The following EPHB3 variants were observed in gnomAD, a reference collection of about 807,000 sequenced individuals.
The protein encoded by EPHB3 is EPH receptor B3.
Under a neutral mutation model 100.2 loss-of-function variants are expected in EPHB3, and 33 were observed. The ratio of observed to expected loss-of-function variants is 0.33; its 90% CI spans 0.25 to 0.44. The LOEUF (loss-of-function observed/expected upper bound fraction) is 0.44, where lower values mean the gene tolerates loss of function less well. EPHB3 is among the 20% of genes least tolerant of loss of function. The pLI is 1.00. For synonymous variants in EPHB3, 526 were observed against 554.7 expected (o/e 0.95, Z 0.73); for missense variants, 1,045 against 1,378.3 (o/e 0.76, Z 3.83).
chr3:184,562,339 G>T lies in EPHB3; in HGVS notation c.104G>T (p.Cys35Phe). ...CCGCTGCTGCTGCTGCCCGCCGGCT[G>T]CCGGGCGCTGGAAGGTGAGCGGCGT... Reference protein sequence around the residue: ...LLPLLLLPAGCRALEETLMDT... With the variant: ...LLPLLLLPAGFRALEETLMDT... Residue 35 changes from cysteine (C) to phenylalanine (F), a missense_variant, in exon 1 of 16, where the codon TGC becomes TTC. Cys to Phe is a radical substitution (Grantham distance 205). Transcript: ENST00000330394. The surrounding 1 kb of genome is among the most constrained non-coding windows in gnomAD (Gnocchi z 4.8). The T allele has an allele frequency of 8.1e-7, 1 of 1,238,536 alleles. No individual in the cohort carries two copies. 76.7% of individuals were successfully genotyped at this position (1,238,536 alleles called of 1,614,324 possible). A position where few individuals can be genotyped will look rare whatever the true frequency, so the allele number is the denominator to read the frequency against.
Position 184,572,926 on chromosome 3 carries a change from C to T in EPHB3, c.606C>T (p.Leu202=). 1.3e-6 allele frequency: 2 copies of T among 1,568,560 alleles called. No individual in the cohort carries two copies. The highest frequency in any genetic ancestry group is 1.2e-5 in the South Asian group (1 of 83,410). ...AFQDQGACMS[L]ISVRAFYKKC... is the part of the protein sequence containing the mutation. ...AGGACCAGGGCGCCTGCATGTCGCTCATCTCCGTGCGCGCCTTCTACAAGA... is the reference window on the plus strand; with the variant it reads ...AGGACCAGGGCGCCTGCATGTCGCTTATCTCCGTGCGCGCCTTCTACAAGA... The change falls in exon 3 of 16, where the codon CTC becomes CTT. Residue 202 remains leucine, a synonymous_variant. Coordinates refer to ENST00000330394, the MANE Select transcript of EPHB3 (RefSeq NM_004443.4). This position sits in a 1 kb window ranked among gnomAD's most constrained non-coding sequence, Gnocchi z 6.6.
At chr3:184,576,066 T>C in intron 4 of EPHB3, 81 bp downstream of exon 4, 1 of 1,471,974 alleles carries the variant, frequency 6.8e-7, no homozygotes, top group East Asian at 2.6e-5. Flanking sequence ...GCAGTCACTA[T>C]GAATAGCCCC....
In EPHB3 at chr3:184,572,271, C is replaced by T. The variant is rs867031826; in HGVS notation, c.184-233C>T. 1.5e-4 allele frequency among the ~76,000 whole-genome samples: 23 copies of T among 152,314 alleles called. No homozygotes were observed. Among genetic ancestry groups the T allele is most frequent in the Middle Eastern group, 3.4e-3 (1 of 294 alleles). ...GTTAAAGTCATTATTCCTTACACATCTTTATTATCCCCATGTTACAGATGG... is the reference window on the plus strand; with the variant it reads ...GTTAAAGTCATTATTCCTTACACATTTTTATTATCCCCATGTTACAGATGG... On this transcript the variant is annotated intron_variant, in intron 2 of 15. Transcript: ENST00000330394. The surrounding 1 kb of genome is among the most constrained non-coding windows in gnomAD (Gnocchi z 6.6).
Position 184,578,081 on chromosome 3 carries a change from G to A in EPHB3, c.1748+75G>A. 6.7e-7 allele frequency: 1 copy of A among 1,490,916 alleles called. No homozygotes were observed. Among genetic ancestry groups the A allele is most frequent in the East Asian group, 2.3e-5 (1 of 43,540 alleles). The allele number at this position is 1,490,916 out of a possible 1,614,324, so 92.4% of individuals were successfully genotyped here. ...AGCATCCTAGAGCCCTCATGCCACA[G>A]AGATGAGCCGCCACCACTTCCCTCA... On this transcript the variant is annotated intron_variant, in intron 8 of 15. Transcript: ENST00000330394. This position sits in a 1 kb window ranked among gnomAD's most constrained non-coding sequence, Gnocchi z 4.7.
In EPHB3 at chr3:184,572,756, T is replaced by C. The variant is rs769922257; in HGVS notation, c.436T>C (p.Ser146Pro). The C allele has an allele frequency of 2.5e-6, 4 of 1,611,796 alleles. No individual in the cohort carries two copies. The African/African-American group carries it at 5.3e-5, about 22-fold the overall frequency. The change falls in exon 3 of 16, where the codon TCC (serine) becomes CCC (proline). Residue 146 changes from serine to proline, a missense_variant. This residue lies in a region of EPHB3 where 985 missense variants were observed against 1,331.1 expected (regional missense o/e 0.74). Coordinates refer to ENST00000330394, the MANE Select transcript of EPHB3 (RefSeq NM_004443.4). The surrounding 1 kb of genome is among the most constrained non-coding windows in gnomAD (Gnocchi z 6.6). The stretch of plus-strand genomic sequence containing the variant: ...TGACAGCGATGTGGCCTCAGCCTCC[T>C]CCCCCTTCTGGATGGAGAACCCCTA... ...EADSDVASAS[S>P]PFWMENPYVK...
chr3:184,579,455 C>T lies in EPHB3; in HGVS notation c.1802-22C>T, dbSNP rs140703157. The T allele has an allele frequency of 4.1e-5, 66 of 1,610,598 alleles. No individual in the cohort carries two copies. The African/African-American group carries it at 4.4e-4, about 11-fold the overall frequency. On this transcript the variant is annotated intron_variant, in intron 9 of 15. Transcript: ENST00000330394. This position sits in a 1 kb window ranked among gnomAD's most constrained non-coding sequence, Gnocchi z 5.2. ...AGGCTGGCTTGACGTTACCCTCTCA[C>T]GCCCACCTCTTCTCCCTCCAGTTGC... is the stretch of plus-strand genomic sequence containing the variant.
At position 184,563,148 on chromosome 3, in the gene EPHB3, G is replaced by A. The variant is rs1187460734; in HGVS notation, c.118+795G>A. 2.0e-5 allele frequency among the ~76,000 whole-genome samples: 3 copies of A among 152,214 alleles called. No homozygotes were observed. Among genetic ancestry groups the A allele is most frequent in the African/African-American group, 7.2e-5 (3 of 41,450 alleles). The stretch of plus-strand genomic sequence containing the variant: ...AACTTCCAAATGATTGTACTTGGAT[G>A]AACAGCCCGGCGTTGTTGGCGCTGG... On this transcript the variant is annotated intron_variant, in intron 1 of 15. Transcript: ENST00000330394. This position sits in a 1 kb window ranked among gnomAD's most constrained non-coding sequence, Gnocchi z 4.1.
Position 184,581,778 on chromosome 3 carries a change from T to G in EPHB3, c.*156T>G. On this transcript the variant is annotated 3_prime_UTR_variant, in exon 16 of 16. Transcript: ENST00000330394. ...AAGCTGGGACTTCTCCAGGCCTGTG[T>G]TCCCTCCCCAGGAAGTGCGCCCCAA... The G allele has an allele frequency of 8.7e-6, 6 of 688,108 alleles. No homozygotes were observed. Among genetic ancestry groups the G allele is most frequent in the South Asian group, 2.0e-5 (1 of 50,206 alleles). 42.6% of individuals were successfully genotyped at this position (688,108 alleles called of 1,614,324 possible). A position where few individuals can be genotyped will look rare whatever the true frequency, so the allele number is the denominator to read the frequency against.
At position 184,577,375 on chromosome 3, in the gene EPHB3, A is replaced by G; in HGVS notation, c.1387A>G (p.Ser463Gly). The change falls in exon 6 of 16, where the codon AGC becomes GGC. Residue 463 changes from serine (S) to glycine (G), a missense_variant. Transcript: ENST00000330394. The surrounding 1 kb of genome is among the most constrained non-coding windows in gnomAD (Gnocchi z 4.9). ...PSEVPTLRLH[S>G]SSGSSLTLSW... The stretch of plus-strand genomic sequence containing the variant: ...TGAAGTGCCCACACTACGCCTGCAC[A>G]GCAGCTCAGGCAGCAGCCTCACCCT... The G allele has an allele frequency of 6.2e-7, 1 of 1,613,808 alleles. No individual in the cohort carries two copies. Among genetic ancestry groups the G allele is most frequent in the Non-Finnish European group, 8.5e-7 (1 of 1,180,012 alleles).
rs372195207 is a variant in EPHB3, at chr3:184,562,969, G to T, written c.118+616G>T. Among the ~76,000 whole-genome samples, 82 of 152,356 alleles carry T rather than the reference G, an allele frequency of 5.4e-4. No individual in the cohort carries two copies. Among genetic ancestry groups the T allele is most frequent in the African/African-American group, 1.7e-3 (70 of 41,580 alleles). ...GGAGGCTCCCTCTCCGCCTGCTAGA[G>T]CAGGGCTTGGGTCTCCATTTGAACC... On this transcript the variant is annotated intron_variant, in intron 1 of 15. Transcript: ENST00000330394. The surrounding 1 kb of genome is among the most constrained non-coding windows in gnomAD (Gnocchi z 4.8).
At position 184,562,208 on chromosome 3, in the gene EPHB3, C is replaced by T; in HGVS notation, c.-28C>T. 3 of 618,108 alleles carry T rather than the reference C, an allele frequency of 4.9e-6. No individual in the cohort carries two copies. Among genetic ancestry groups the T allele is most frequent in the Non-Finnish European group, 4.2e-6 (2 of 475,868 alleles). The allele number at this position is 618,108 out of a possible 1,614,324, so 38.3% of individuals were successfully genotyped here. A position where few individuals can be genotyped will look rare whatever the true frequency, so the allele number is the denominator to read the frequency against. On this transcript the variant is annotated 5_prime_UTR_variant, in exon 1 of 16. Coordinates refer to ENST00000330394, the MANE Select transcript of EPHB3 (RefSeq NM_004443.4). This position sits in a 1 kb window ranked among gnomAD's most constrained non-coding sequence, Gnocchi z 4.8. ...CGGCGCGGCCCGGCCCGGCGCGGCC[C>T]GGCTCGGCTCCTAGAGCTGCCACGG...
In EPHB3 at chr3:184,579,741, T is replaced by G; in HGVS notation, c.1979T>G (p.Val660Gly). ...GRLKQPGRRE[V>G]FVAIKTLKVG... ...CTGAAACAGCCTGGCCGCCGAGAGG[T>G]GTTTGTGGCCATCAAGACGCTGAAG... Residue 660 changes from valine (V) to glycine (G), a missense_variant, in exon 11 of 16, where the codon GTG (valine) becomes GGG (glycine). Physicochemically the swap from Val to Gly is moderately radical, Grantham distance 109. Around this residue, in one of 2 missense-constraint regions of EPHB3, gnomAD observed 985 missense variants for 1,331.1 expected, o/e 0.74. Coordinates refer to ENST00000330394, the MANE Select transcript of EPHB3 (RefSeq NM_004443.4). This position sits in a 1 kb window ranked among gnomAD's most constrained non-coding sequence, Gnocchi z 5.2. 1 of 1,605,098 alleles carries G rather than the reference T, an allele frequency of 6.2e-7. No homozygotes were observed. The highest frequency in any genetic ancestry group is 8.5e-7 in the Non-Finnish European group (1 of 1,175,374).
chr3:184,567,716 C>T (rs1714421893), intron 1 of EPHB3, among the ~76,000 whole-genome samples: 1 of 152,192 alleles, frequency 6.6e-6, no homozygotes. Flanking sequence ...TGTGTTTGCA[C>T]TTTACACCGA....
At chr3:184,581,478 G>A (rs767751305) in intron 15 of EPHB3, 36 bp from the exon 16 acceptor site, 2 of 1,602,248 alleles carry the variant, frequency 1.2e-6, no homozygotes, top group South Asian at 2.3e-5. Flanking sequence ...GAGGGCACGA[G>A]GAAAGGGACT....
At chr3:184,566,717 C>T (rs1714394638) in intron 1 of EPHB3, among the ~76,000 whole-genome samples, 2 of 152,218 alleles carry the variant, frequency 1.3e-5, no homozygotes. Context: ...GCCCCCTGCC[C>T]TCCTGCCCCG....
In EPHB3 at chr3:184,572,750, G is replaced by C; in HGVS notation, c.430G>C (p.Ala144Pro). 1 of 1,612,770 alleles carries C rather than the reference G, an allele frequency of 6.2e-7. No individual in the cohort carries two copies. Among genetic ancestry groups the C allele is most frequent in the African/African-American group, 1.3e-5 (1 of 75,022 alleles). Residue 144 changes from alanine (A) to proline (P), a missense_variant, in exon 3 of 16, where the codon GCC (alanine) becomes CCC (proline). This residue lies in a region of EPHB3 where 985 missense variants were observed against 1,331.1 expected (regional missense o/e 0.74). Coordinates refer to ENST00000330394, the MANE Select transcript of EPHB3 (RefSeq NM_004443.4). The surrounding 1 kb of genome is among the most constrained non-coding windows in gnomAD (Gnocchi z 6.6). ...CGAGGCTGACAGCGATGTGGCCTCAGCCTCCTCCCCCTTCTGGATGGAGAA... is the reference window on the plus strand; with the variant it reads ...CGAGGCTGACAGCGATGTGGCCTCACCCTCCTCCCCCTTCTGGATGGAGAA... ...YYEADSDVAS[A>P]SSPFWMENPY... is the part of the protein sequence containing the mutation.
intron 1 of EPHB3, among the ~76,000 whole-genome samples, chr3:184,568,927 A>G (rs1242035587): frequency 6.9e-6 from 1 of 145,724 alleles, no homozygotes; most frequent in Admixed American, 6.7e-5. Flanking sequence ...AACAGAAATG[A>G]AGAGCCTCCC....
chr3:184,581,675 C>A lies in EPHB3; in HGVS notation c.*53C>A. On this transcript the variant is annotated 3_prime_UTR_variant, in exon 16 of 16. Coordinates refer to ENST00000330394, the MANE Select transcript of EPHB3 (RefSeq NM_004443.4). Reference sequence around the variant, plus strand: ...CCGTGCAGGGATGCCAAGCAGCCGGCTGGACTTTCGGACTCTTGGACTTTT... The same window carrying A: ...CCGTGCAGGGATGCCAAGCAGCCGGATGGACTTTCGGACTCTTGGACTTTT... The A allele has an allele frequency of 1.3e-6, 2 of 1,482,444 alleles. No homozygotes were observed. The highest frequency in any genetic ancestry group is 9.0e-7 in the Non-Finnish European group (1 of 1,111,218). The allele number at this position is 1,482,444 out of a possible 1,614,324, so 91.8% of individuals were successfully genotyped here.
At chr3:184,566,524 A>G in intron 1 of EPHB3, among the ~76,000 whole-genome samples, 1 of 152,226 alleles carries the variant, frequency 6.6e-6, no homozygotes, top group Non-Finnish European at 1.5e-5. Context: ...GCTCCCCCCA[A>G]GACGCCTTGA....
Sources: gnomAD v4.1 joint callset for allele counts (sites outside exome capture counted in the v4.1 genomes callset) on GRCh38, gnomAD v4.1.1 for gene constraint, gnomAD v4.1.1 regional missense constraint, Gnocchi (gnomAD v3.1) non-coding constraint, MANE v1.5 for transcripts, NCBI Gene and HGNC (gene_info 2026-07-23, HGNC 2026-07-21) for gene names.